FDFT1: variants seen among roughly 807,000 people sequenced by gnomAD.
FDFT1 encodes squalene synthase.
In FDFT1, 68 loss-of-function variants were observed where a neutral mutation model predicts 46.8. That is an observed-to-expected ratio of 1.45 (90% CI 1.19 to 1.78). The LOEUF (loss-of-function observed/expected upper bound fraction) is 1.78. Among genes scored for constraint, FDFT1 ranks in the 40% most tolerant of loss-of-function variants. The pLI, the probability that FDFT1 is intolerant of heterozygous loss-of-function variation, is 0.00. For synonymous variants in FDFT1, 351 were observed against 185.1 expected (o/e 1.90, Z -7.28); for missense variants, 928 against 524.4 (o/e 1.77, Z -7.52).
At chr8:11,802,042 C>T (rs917422070), upstream of FDFT1, 3 of 455,834 alleles carry the variant, frequency 6.6e-6, no homozygotes, top group Admixed American at 4.7e-5. Flanking sequence ...GAAGTTTCCA[C>T]ATTCCTGTTA....
intron 3 of FDFT1, among the ~76,000 whole-genome samples, chr8:11,820,864 A>G (rs960831250): frequency 1.3e-5 from 2 of 152,174 alleles, no homozygotes; most frequent in Non-Finnish European, 2.9e-5. Flanking sequence ...CTCACCCTCC[A>G]TGGGCTGCAC....
intron 1 of FDFT1, among the ~76,000 whole-genome samples, chr8:11,807,180 G>T (rs763508498): frequency 1.3e-5 from 2 of 151,942 alleles, no homozygotes; most frequent in Non-Finnish European, 2.9e-5. Context: ...TTGAGATGGG[G>T]TCCCACTCTG....
upstream of FDFT1, chr8:11,802,372 C>G (rs750331038): frequency 6.6e-6 from 3 of 452,146 alleles, no homozygotes; most frequent in African/African-American, 4.0e-5. Context: ...GCTCTCCCGA[C>G]TGCGGACCAC....
chr8:11,817,825 T>G (rs1808671976), intron 3 of FDFT1, among the ~76,000 whole-genome samples: 1 of 151,926 alleles, frequency 6.6e-6, no homozygotes, highest in South Asian at 2.1e-4. Context: ...TTCATTAATT[T>G]TTTTTTTTGA....
At chr8:11,810,417 G>A (rs954796769) in intron 3 of FDFT1, among the ~76,000 whole-genome samples, 1 of 152,176 alleles carries the variant, frequency 6.6e-6, no homozygotes, top group African/African-American at 2.4e-5. Context: ...CAGCTAGGGC[G>A]AGCCTCTGCC....
At chr8:11,823,211 C>G (rs1809503870) in intron 4 of FDFT1, among the ~76,000 whole-genome samples, 1 of 152,148 alleles carries the variant, frequency 6.6e-6, no homozygotes, top group Admixed American at 6.5e-5. Flanking sequence ...CCACTCTGGC[C>G]TCTCAAATGT....
chr8:11,808,549 T>C (rs975055726), intron 1 of FDFT1: 5 of 1,365,436 alleles, frequency 3.7e-6, no homozygotes, highest in South Asian at 3.5e-5. Flanking sequence ...ACCAAGGCCA[T>C]GGCCCTCTTC....
chr8:11,806,551 T>G (rs528780835), intron 1 of FDFT1, among the ~76,000 whole-genome samples: 175 of 152,260 alleles, frequency 1.1e-3, no homozygotes, highest in African/African-American at 3.9e-3. Context: ...GTAGTGTTCT[T>G]GAAGAGTGTT....
At chr8:11,831,846 G>T in intron 7 of FDFT1, 176 bp downstream of exon 7, 1 of 605,660 alleles carries the variant, frequency 1.7e-6, no homozygotes, top group Non-Finnish European at 2.9e-6. Context: ...GAGCCGAGCA[G>T]ATTGCTCACT....
At chr8:11,834,395 CCT>C (rs1390368077) in intron 7 of FDFT1, among the ~76,000 whole-genome samples, 4 of 152,210 alleles carry the variant, frequency 2.6e-5, no homozygotes, top group Non-Finnish European at 5.9e-5. Context: ...CCCCCATTCC[CCT>C]CTCTGCCAAA....
At position 11,803,292 on chromosome 8, in the gene FDFT1, GTT is replaced by G. The variant is rs1344683365; in HGVS notation, c.99+366_99+367del. ...GGGTTACGCGGGAGAGGACGAGTGAGTTTTTTGGTAAGCGGAATGAACTATGC... is the reference window on the plus strand; with the variant it reads ...GGGTTACGCGGGAGAGGACGAGTGAGTTTTGGTAAGCGGAATGAACTATGC... On this transcript the variant is annotated intron_variant, in intron 1 of 7. Coordinates refer to ENST00000220584, the MANE Select transcript of FDFT1 (RefSeq NM_004462.5). The G allele has an allele frequency of 8.4e-6, 11 of 1,316,422 alleles. No homozygotes were observed. In the East Asian group the frequency reaches 5.4e-4, roughly 65 times the overall value. 81.5% of individuals were successfully genotyped at this position (1,316,422 alleles called of 1,614,324 possible).
At chr8:11,835,197 A>T (rs1402569776) in intron 7 of FDFT1, among the ~76,000 whole-genome samples, 1 of 152,196 alleles carries the variant, frequency 6.6e-6, no homozygotes, top group Non-Finnish European at 1.5e-5. Flanking sequence ...CCTGTCCTTG[A>T]CAAGCAGATG....
At chr8:11,803,069 T>C (rs1395733736) in intron 1 of FDFT1, 138 bp downstream of exon 1, 1 of 1,449,722 alleles carries the variant, frequency 6.9e-7, no homozygotes. Flanking sequence ...CGTCCCCCTT[T>C]CCTCGAGCCT....
chr8:11,803,246 C>A, intron 1 of FDFT1: 1 of 1,373,838 alleles, frequency 7.3e-7, no homozygotes, highest in East Asian at 3.8e-5. Context: ...CCGAGGGTTA[C>A]ACATCTGAGG....
At position 11,838,581 on chromosome 8, in the gene FDFT1, A is replaced by G; in HGVS notation, c.1226A>G (p.Glu409Gly). The G allele has an allele frequency of 6.2e-7, 1 of 1,614,002 alleles. No homozygotes were observed. The highest frequency in any genetic ancestry group is 2.2e-5 in the East Asian group (1 of 44,882). ...CTGACCACTCTCTCCCAGGTAACAGAAGACTATGTTCAGACTGGAGAACAC... is the reference window on the plus strand; with the variant it reads ...CTGACCACTCTCTCCCAGGTAACAGGAGACTATGTTCAGACTGGAGAACAC... Reference protein sequence around the residue: ...QYLTTLSQVTEDYVQTGEH With the variant: ...QYLTTLSQVTGDYVQTGEH The change falls in exon 8 of 8, where the codon GAA (glutamate) becomes GGA (glycine). Residue 409 changes from glutamate to glycine, a missense_variant. Coordinates refer to ENST00000220584, the MANE Select transcript of FDFT1 (RefSeq NM_004462.5).
intron 1 of FDFT1, among the ~76,000 whole-genome samples, chr8:11,804,600 C>CTTTTTTTTTTT (rs5889385): frequency 2.1e-5 from 2 of 97,362 alleles, no homozygotes; most frequent in Admixed American, 1.4e-4. Context: ...CTTAGTTTCT[C>CTTTTTTTTTTT]TTTTTTTTTT....
chr8:11,826,514 T>G (rs1031908326), intron 5 of FDFT1, among the ~76,000 whole-genome samples: 1 of 152,172 alleles, frequency 6.6e-6, no homozygotes, highest in African/African-American at 2.4e-5. Context: ...CAAAAAGTTC[T>G]TAGGAATGGC....
At chr8:11,818,327 T>G (rs1254890183) in intron 3 of FDFT1, among the ~76,000 whole-genome samples, 1 of 152,234 alleles carries the variant, frequency 6.6e-6, no homozygotes, top group Non-Finnish European at 1.5e-5. Flanking sequence ...CTGAGAAGAA[T>G]GTATATTCTG....
chr8:11,821,699 C>G, intron 3 of FDFT1, 51 bp from the exon 4 acceptor site: 1 of 1,597,918 alleles, frequency 6.3e-7, no homozygotes, highest in Non-Finnish European at 8.6e-7. Context: ...TCTTTGGTGC[C>G]ATGTCTGTAC....
Sources: gnomAD v4.1 joint callset for allele counts (sites outside exome capture counted in the v4.1 genomes callset) on GRCh38, gnomAD v4.1.1 for gene constraint, MANE v1.5 for transcripts, NCBI Gene and HGNC (gene_info 2026-07-23, HGNC 2026-07-21) for gene names.